LASP1: variants seen among roughly 807,000 people sequenced by gnomAD.
The protein encoded by LASP1 is LIM and SH3 domain protein 1.
In LASP1, 10 loss-of-function variants were observed where a neutral mutation model predicts 38.6. That is an observed-to-expected ratio of 0.26 (90% CI 0.16 to 0.44). The LOEUF (loss-of-function observed/expected upper bound fraction) is 0.44. Ranked by LOEUF, LASP1 falls within the 20% of genes least tolerant of loss-of-function variation. The pLI, the probability that LASP1 is intolerant of heterozygous loss-of-function variation, is 1.00. For missense variants in LASP1, 243 were observed against 375.7 expected (o/e 0.65, Z 2.92); for synonymous variants, 132 against 140.8 (o/e 0.94, Z 0.44).
At chr17:38,884,540 A>C (rs964358193) in intron 2 of LASP1, among the ~76,000 whole-genome samples, 16 of 151,852 alleles carry the variant, frequency 1.1e-4, no homozygotes, top group Admixed American at 2.0e-4. Context: ...GGAGGCCGCT[A>C]CCATGCCTGG....
chr17:38,878,293 C>T (rs1913842466), intron 2 of LASP1, 113 bp downstream of exon 2: 2 of 693,268 alleles, frequency 2.9e-6, no homozygotes, highest in African/African-American at 1.8e-5. Context: ...CTTCCATCCC[C>T]TACTTGAACA....
intron 2 of LASP1, among the ~76,000 whole-genome samples, chr17:38,878,410 TG>T (rs1913845110): frequency 6.6e-6 from 1 of 152,100 alleles, no homozygotes; most frequent in Non-Finnish European, 1.5e-5. Context: ...ATGAGGAAAC[TG>T]GGGCTTAGGG....
At chr17:38,873,630 G>A (rs906760034) in intron 1 of LASP1, among the ~76,000 whole-genome samples, 8 of 152,202 alleles carry the variant, frequency 5.3e-5, no homozygotes, top group African/African-American at 1.7e-4. Context: ...CTGGGCCTGG[G>A]GTCTTGTATG....
At chr17:38,874,051 A>T (rs550052266) in intron 1 of LASP1, 8 of 152,432 alleles carry the variant, frequency 5.2e-5, no homozygotes, top group African/African-American at 1.9e-4. Flanking sequence ...GCAAGGGAAG[A>T]TCAAGATGAC....
At chr17:38,897,225 C>T (rs766625015) in intron 3 of LASP1, among the ~76,000 whole-genome samples, 3 of 152,248 alleles carry the variant, frequency 2.0e-5, no homozygotes, top group Non-Finnish European at 4.4e-5. Flanking sequence ...CTTCAGGAGA[C>T]AAACAAGGAC....
chr17:38,881,697 G>T (rs1029426093), intron 2 of LASP1, among the ~76,000 whole-genome samples: 31 of 152,182 alleles, frequency 2.0e-4, no homozygotes, highest in African/African-American at 7.0e-4. Context: ...TGCAGGACCC[G>T]TAGGGGCACG....
intron 2 of LASP1, among the ~76,000 whole-genome samples, chr17:38,882,697 A>G (rs538626963): frequency 1.3e-5 from 2 of 152,350 alleles, no homozygotes; most frequent in African/African-American, 2.4e-5. Flanking sequence ...CAGGCTTAGC[A>G]TAAACCTGCA....
At chr17:38,898,967 C>A in intron 4 of LASP1, 1 of 355,626 alleles carries the variant, frequency 2.8e-6, no homozygotes, top group Non-Finnish European at 5.6e-6. Context: ...CCTGCTCTTC[C>A]TTCCTGTGTA....
intron 2 of LASP1, among the ~76,000 whole-genome samples, chr17:38,880,163 C>T (rs1207781098): frequency 1.3e-5 from 2 of 152,208 alleles, no homozygotes; most frequent in Non-Finnish European, 2.9e-5. Flanking sequence ...GCTGGACCAC[C>T]TCAGGCTAGA....
chr17:38,906,553 A>G (rs937055328), intron 4 of LASP1, among the ~76,000 whole-genome samples: 23 of 151,566 alleles, frequency 1.5e-4, no homozygotes, highest in African/African-American at 5.6e-4. Context: ...TAAATAAATA[A>G]AGTTAAAAAA....
At chr17:38,885,073 G>C (rs1215752561) in intron 2 of LASP1, among the ~76,000 whole-genome samples, 2 of 152,182 alleles carry the variant, frequency 1.3e-5, no homozygotes, top group African/African-American at 4.8e-5. Flanking sequence ...GCCGAGCTTG[G>C]AAACGAGTTG....
At chr17:38,899,642 T>G (rs1214529048) in intron 4 of LASP1, among the ~76,000 whole-genome samples, 2 of 152,154 alleles carry the variant, frequency 1.3e-5, no homozygotes, top group Non-Finnish European at 2.9e-5. Flanking sequence ...CAGTAAAATA[T>G]ACATTGTACG....
At chr17:38,896,569 C>T (rs1914497759) in intron 3 of LASP1, among the ~76,000 whole-genome samples, 1 of 152,238 alleles carries the variant, frequency 6.6e-6, no homozygotes, top group Non-Finnish European at 1.5e-5. Flanking sequence ...GGGGCCTGAC[C>T]CTTGCAAAGC....
At chr17:38,887,117 CT>C in intron 2 of LASP1, among the ~76,000 whole-genome samples, 1 of 152,290 alleles carries the variant, frequency 6.6e-6, no homozygotes, top group Non-Finnish European at 1.5e-5. Flanking sequence ...GTTTGCCCTG[CT>C]TGCCTCTAGC....
rs116319808 is a variant in LASP1 at position 38,889,519 on chromosome 17, C to T, written c.165-901C>T. Among the ~76,000 whole-genome samples the T allele has an allele frequency of 8.6e-3, 1,310 of 152,214 alleles. 14 individuals carry two copies. The highest frequency in any genetic ancestry group is 0.03 in the African/African-American group (1,233 of 41,532). ...CAAGATGCAAAGCTTTGAGTGCCGA[C>T]GTGATGCCACAAGGGAAAATTCCAC... On this transcript the variant is annotated intron_variant, in intron 2 of 6. Transcript: ENST00000318008.
At chr17:38,886,932 G>T (rs7210019) in intron 2 of LASP1, among the ~76,000 whole-genome samples, 6 of 152,076 alleles carry the variant, frequency 3.9e-5, no homozygotes, top group Non-Finnish European at 8.8e-5. Flanking sequence ...ACAGGCTCTC[G>T]CTCTGTAGCT....
Position 38,907,079 on chromosome 17 carries a change from C to A in LASP1, c.358-7246C>A, listed in dbSNP as rs914357199. On this transcript the variant is annotated intron_variant, in intron 4 of 6. Transcript: ENST00000318008. ...CTTGCCTTCTGAATGTGCTAACATC[C>A]CCCTCATGTGCCTATTTGCTTAACA... Among the ~76,000 whole-genome samples the A allele has an allele frequency of 3.3e-5, 5 of 152,290 alleles. No individual in the cohort carries two copies. In the South Asian group the frequency reaches 1.0e-3, roughly 32 times the overall value.
At chr17:38,898,974 T>C (rs1264445520) in intron 4 of LASP1, 2 of 352,810 alleles carry the variant, frequency 5.7e-6, no homozygotes, top group Non-Finnish European at 1.1e-5. Flanking sequence ...TTCCTTCCTG[T>C]GTAAAAACCC....
At chr17:38,917,558 C>T (rs905961292) in intron 6 of LASP1, among the ~76,000 whole-genome samples, 3 of 152,114 alleles carry the variant, frequency 2.0e-5, no homozygotes, top group Non-Finnish European at 4.4e-5. Flanking sequence ...CTTCTGTCCT[C>T]TGAAGATTTT....
Sources: allele counts gnomAD v4.1 joint callset (sites outside exome capture counted in the v4.1 genomes callset), GRCh38; gene constraint gnomAD v4.1.1; transcripts MANE v1.5; gene names NCBI Gene and HGNC (gene_info 2026-07-23, HGNC 2026-07-21).